The following MYO19 variants were observed in gnomAD, a reference collection of about 807,000 sequenced individuals.
MYO19 encodes the protein unconventional myosin-XIX.
Under a neutral mutation model 129.2 loss-of-function variants are expected in MYO19, and 132 were observed. The ratio of observed to expected loss-of-function variants is 1.02; its 90% CI spans 0.89 to 1.18. The LOEUF is 1.18. Ranked by LOEUF, MYO19 falls within the 50% of genes most tolerant of loss-of-function variation. The pLI, the probability that MYO19 is intolerant of heterozygous loss-of-function variation, is 0.00. For synonymous variants in MYO19, 531 were observed against 477.2 expected, an observed-to-expected ratio of 1.11 and a Z score of -1.47; for missense variants, 1,210 against 1,216.7, an observed-to-expected ratio of 0.99 and a Z score of 0.08.
At chr17:36,520,591 CAGCAAGACCA>C (rs2073073102) in intron 6 of MYO19, among the ~76,000 whole-genome samples, 1 of 152,144 alleles carries the variant, frequency 6.6e-6, no homozygotes, top group Non-Finnish European at 1.5e-5. Flanking sequence ...ACCTCTGAGA[CAGCAAGACCA>C]AGCAAGACTG....
chr17:36,508,888 A>T (rs2141997466), intron 14 of MYO19, 174 bp downstream of exon 14: 2 of 628,688 alleles, frequency 3.2e-6, no homozygotes, highest in South Asian at 3.7e-5. Flanking sequence ...AGGAGAGCAG[A>T]GATCTCACCC....
At chr17:36,531,667 C>T (rs1223939563) in intron 3 of MYO19, among the ~76,000 whole-genome samples, 2 of 152,036 alleles carry the variant, frequency 1.3e-5, no homozygotes, top group Non-Finnish European at 2.9e-5. Context: ...CCACTTCTTA[C>T]CTTCAAACCT....
At chr17:36,531,359 C>T (rs1024355460) in intron 3 of MYO19, among the ~76,000 whole-genome samples, 1 of 135,370 alleles carries the variant, frequency 7.4e-6, no homozygotes, top group African/African-American at 2.8e-5. Context: ...CAAGCCACTA[C>T]ACTCCAGCCT....
intron 25 of MYO19, 113 bp downstream of exon 25, chr17:36,498,153 G>T: frequency 8.3e-7 from 1 of 1,203,492 alleles, no homozygotes; most frequent in East Asian, 2.4e-5. Context: ...TTACCCAGTA[G>T]GGTTAGGGAT....
At position 36,534,820 on chromosome 17, in the gene MYO19, G is replaced by A. The variant is rs1049919410; in HGVS notation, c.-355C>T. On this transcript the variant is annotated 5_prime_UTR_variant, in exon 1 of 26. Coordinates refer to ENST00000614623, the MANE Select transcript of MYO19 (RefSeq NM_001163735.2). ...CCCGCCCGGCCAGACTGGAAAGGCGGGCGGGCCAGGTCAGGCGGCGGGAAG... is the reference window on the plus strand; with the variant it reads ...CCCGCCCGGCCAGACTGGAAAGGCGAGCGGGCCAGGTCAGGCGGCGGGAAG... 4.6e-5 allele frequency: 7 copies of A among 152,664 alleles called. No individual in the cohort carries two copies. The highest frequency in any genetic ancestry group is 2.1e-4 in the South Asian group (1 of 4,840). 9.5% of individuals were successfully genotyped at this position (152,664 alleles called of 1,614,324 possible).
chr17:36,517,228 T>C (rs2072815495), intron 6 of MYO19, among the ~76,000 whole-genome samples: 3 of 152,208 alleles, frequency 2.0e-5, no homozygotes. Context: ...TTTTTCTCTT[T>C]TTATAAGTCT....
chr17:36,524,405 G>A (rs982739826), intron 6 of MYO19, among the ~76,000 whole-genome samples: 1 of 152,194 alleles, frequency 6.6e-6, no homozygotes, highest in Non-Finnish European at 1.5e-5. Context: ...GGAGTTTATG[G>A]TCCAAAGAGT....
intron 6 of MYO19, among the ~76,000 whole-genome samples, chr17:36,520,518 G>A (rs991955488): frequency 3.9e-5 from 6 of 151,978 alleles, no homozygotes; most frequent in South Asian, 2.1e-4. Context: ...CCACTTATAC[G>A]TGGGTTTTTT....
chr17:36,525,315 C>G lies in MYO19; in HGVS notation c.327G>C (p.Val109=), dbSNP rs372905562. ...PQKLKPHVFT[V]GEQTYRNVKS... ...TGACATTCCTGTAGGTCTGTTCACC[C>G]ACAGTGAACACATGGGGCTTCAGTT... The change falls in exon 6 of 26, where the codon GTG becomes GTC. Residue 109 remains valine (V), a synonymous_variant. Coordinates refer to ENST00000614623, the MANE Select transcript of MYO19 (RefSeq NM_001163735.2). The G allele has an allele frequency of 1.2e-6, 2 of 1,612,710 alleles. No homozygotes were observed. Among genetic ancestry groups the G allele is most frequent in the South Asian group, 2.2e-5 (2 of 91,002 alleles).
At chr17:36,513,255 A>G (rs908900627) in intron 11 of MYO19, 174 bp downstream of exon 11, 3 of 1,469,450 alleles carry the variant, frequency 2.0e-6, no homozygotes, top group Admixed American at 5.1e-5. Flanking sequence ...CCACCCCACC[A>G]CCTGGTCTCC....
chr17:36,536,979 A>C, upstream of MYO19: 3 of 833,768 alleles, frequency 3.6e-6, no homozygotes, highest in Non-Finnish European at 5.6e-6. Flanking sequence ...TGAACTCATT[A>C]GGGCCCAAAG....
At position 36,499,163 on chromosome 17, in the gene MYO19, AAG is replaced by A. The variant is rs764348722; in HGVS notation, c.2378-5_2378-4del. The A allele has an allele frequency of 1.6e-5, 26 of 1,599,348 alleles. No individual in the cohort carries two copies. The highest frequency in any genetic ancestry group is 2.1e-5 in the Non-Finnish European group (25 of 1,172,142). ...CCGAGTTAACCAGGAACGAATGGCT[AAG>A]AGGTTTGCCCAGAAACAGGAAAGAG... On this transcript the variant is annotated splice_region_variant and splice_polypyrimidine_tract_variant and intron_variant, in intron 23 of 25. Coordinates refer to ENST00000614623, the MANE Select transcript of MYO19 (RefSeq NM_001163735.2).
rs568795011 is a variant in MYO19 at position 36,510,930 on chromosome 17, A to C, written c.986-13T>G. On this transcript the variant is annotated splice_polypyrimidine_tract_variant and intron_variant, in intron 12 of 25. Transcript: ENST00000614623. Reference sequence around the variant, plus strand: ...GTCCTGACAGAGTCTGGGAGGGGCAAATCCTCTTTAGGCAAATCACTCTCC... The same window carrying C: ...GTCCTGACAGAGTCTGGGAGGGGCACATCCTCTTTAGGCAAATCACTCTCC... 1.3e-6 allele frequency: 2 copies of C among 1,561,090 alleles called. No individual in the cohort carries two copies. The highest frequency in any genetic ancestry group is 2.4e-5 in the East Asian group (1 of 41,880).
chr17:36,496,360 T>A lies in MYO19; in HGVS notation c.2804A>T (p.Asp935Val), dbSNP rs1430199013. 1 of 1,613,974 alleles carries A rather than the reference T, an allele frequency of 6.2e-7. No homozygotes were observed. The highest frequency in any genetic ancestry group is 1.7e-5 in the Admixed American group (1 of 60,028). The change falls in exon 26 of 26, where the codon GAC (aspartate) becomes GTC (valine). Residue 935 changes from aspartate to valine, a missense_variant. Asp to Val is a radical substitution (Grantham distance 152). Coordinates refer to ENST00000614623, the MANE Select transcript of MYO19 (RefSeq NM_001163735.2). The part of the protein sequence containing the change: ...HCRKSPLRYA[D>V]ICPEPSPYSI... ...GTAGGGTGAAGGTTCAGGGCAGATGTCAGCATACCGCAGTGGAGACTTTCT... is the reference window on the plus strand; with the variant it reads ...GTAGGGTGAAGGTTCAGGGCAGATGACAGCATACCGCAGTGGAGACTTTCT...
At chr17:36,505,516 T>G in intron 18 of MYO19, 112 bp from the exon 19 acceptor site, 1 of 715,954 alleles carries the variant, frequency 1.4e-6, no homozygotes, top group East Asian at 2.6e-5. Flanking sequence ...TCCATGATCC[T>G]GAGACCAAGA....
chr17:36,517,775 C>T (rs765632993), intron 6 of MYO19, among the ~76,000 whole-genome samples: 14 of 151,940 alleles, frequency 9.2e-5, no homozygotes, highest in Non-Finnish European at 1.8e-4. Context: ...AAGGGATCTT[C>T]GGGAGGTAAT....
upstream of MYO19, chr17:36,535,573 G>C (rs1371886941): frequency 1.3e-5 from 2 of 152,288 alleles, no homozygotes; most frequent in Non-Finnish European, 2.9e-5. Flanking sequence ...CGTCTGCTGG[G>C]GGCGCCGGCA....
intron 14 of MYO19, 180 bp from the exon 15 acceptor site, chr17:36,508,104 G>A (rs1005428840): frequency 1.7e-6 from 1 of 571,966 alleles, no homozygotes; most frequent in Non-Finnish European, 2.8e-6. Flanking sequence ...CTCCACCCAA[G>A]GTGGCTCCCA....
intron 9 of MYO19, 35 bp downstream of exon 9, chr17:36,514,411 G>A (rs772921502): frequency 8.7e-6 from 12 of 1,372,150 alleles, no homozygotes; most frequent in Admixed American, 3.4e-5. Flanking sequence ...TCCCTGTCTC[G>A]CATCTGGGGG....
Sources: allele counts gnomAD v4.1 joint callset (sites outside exome capture counted in the v4.1 genomes callset), GRCh38; gene constraint gnomAD v4.1.1; transcripts MANE v1.5; gene names NCBI Gene and HGNC (gene_info 2026-07-23, HGNC 2026-07-21).